DIAPH2: variants seen among roughly 807,000 people sequenced by gnomAD.
DIAPH2 encodes diaphanous related formin 2.
Under a neutral mutation model 92.7 loss-of-function variants are expected in DIAPH2, and 35 were observed. That is an observed-to-expected ratio of 0.38 (90% CI 0.29 to 0.50). The LOEUF is 0.50. Among genes scored for constraint, DIAPH2 ranks in the 20% least tolerant of loss-of-function variants. The pLI is 0.94. For synonymous variants in DIAPH2, 301 were observed against 280.4 expected, an observed-to-expected ratio of 1.07 and a Z score of -0.73; for missense variants, 701 against 819.5, an observed-to-expected ratio of 0.86 and a Z score of 1.77.
At chrX:96,998,876 T>C (rs1204467866) in intron 17 of DIAPH2, among the ~76,000 whole-genome samples, 2 of 112,322 alleles carry the variant, frequency 1.8e-5, no homozygotes, top group Non-Finnish European at 3.8e-5. Context: ...ATGTACCCTT[T>C]AGGATTATTG....
chrX:97,246,130 C>T (rs1206589824), intron 22 of DIAPH2, among the ~76,000 whole-genome samples: 2 of 105,615 alleles, frequency 1.9e-5, no homozygotes, highest in African/African-American at 6.9e-5. Flanking sequence ...GCCAGGCTGG[C>T]CTCAAACTCA....
chrX:97,236,203 A>C (rs12832757), intron 22 of DIAPH2, among the ~76,000 whole-genome samples: 52,063 of 110,178 alleles, frequency 0.47, 9,515 homozygotes, highest in Non-Finnish European at 0.59. Context: ...TGTGGACTTC[A>C]TGCATTAAAC....
intron 21 of DIAPH2, among the ~76,000 whole-genome samples, chrX:97,116,250 A>G (rs746656439): frequency 8.9e-6 from 1 of 112,207 alleles, no homozygotes; most frequent in East Asian, 2.8e-4. Context: ...ACTTATAGAT[A>G]ATAATAGGAT....
chrX:96,916,338 G>C, intron 7 of DIAPH2, 100 bp from the exon 8 acceptor site: 2 of 739,814 alleles, frequency 2.7e-6, no homozygotes, highest in Middle Eastern at 4.6e-4. Flanking sequence ...ACCTCATTGT[G>C]GGGGTATGGG....
chrX:97,127,693 T>C (rs1242655432), intron 21 of DIAPH2, among the ~76,000 whole-genome samples: 1 of 112,711 alleles, frequency 8.9e-6, no homozygotes, highest in Non-Finnish European at 1.9e-5. Context: ...CTGAGGTTTT[T>C]AACTGACATA....
intron 25 of DIAPH2, among the ~76,000 whole-genome samples, chrX:97,410,872 A>G (rs1332820588): frequency 1.8e-5 from 2 of 111,952 alleles, no homozygotes; most frequent in Non-Finnish European, 3.8e-5. Context: ...GTAAAAAGAA[A>G]TGAACAAAGC....
intron 26 of DIAPH2, among the ~76,000 whole-genome samples, chrX:97,547,046 A>G (rs1346498590): frequency 1.8e-5 from 2 of 111,995 alleles, no homozygotes; most frequent in East Asian, 2.8e-4. Flanking sequence ...AATTATTCTT[A>G]TTCATAACTC....
At chrX:97,293,127 A>G (rs1297244258) in intron 23 of DIAPH2, among the ~76,000 whole-genome samples, 1 of 110,963 alleles carries the variant, frequency 9.0e-6, no homozygotes, top group African/African-American at 3.3e-5. Flanking sequence ...GAGATTTTCT[A>G]ATGTCACTAT....
intron 23 of DIAPH2, among the ~76,000 whole-genome samples, chrX:97,308,989 G>A (rs968155135): frequency 7.4e-5 from 8 of 107,621 alleles, no homozygotes; most frequent in Admixed American, 4.0e-4. Flanking sequence ...TTGCACTCCA[G>A]CCTGGGGAAC....
At chrX:96,827,884 C>A (rs766930183) in intron 4 of DIAPH2, among the ~76,000 whole-genome samples, 73 of 111,095 alleles carry the variant, frequency 6.6e-4, no homozygotes, top group African/African-American at 2.3e-3. Flanking sequence ...TGCAGTGGCG[C>A]CATCTCGGCT....
At chrX:96,703,433 A>T (rs1338649917) in intron 1 of DIAPH2, among the ~76,000 whole-genome samples, 1 of 112,099 alleles carries the variant, frequency 8.9e-6, no homozygotes, top group African/African-American at 3.2e-5. Flanking sequence ...TTAAACATGT[A>T]CTGTAAATAG....
chrX:96,914,407 A>C (rs1014485810), intron 7 of DIAPH2, among the ~76,000 whole-genome samples: 2 of 111,577 alleles, frequency 1.8e-5, no homozygotes, highest in Admixed American at 1.9e-4. Flanking sequence ...AAACAATGAC[A>C]TAATGGAAAG....
intron 5 of DIAPH2, among the ~76,000 whole-genome samples, chrX:96,907,966 G>T (rs1227538103): frequency 9.0e-6 from 1 of 111,678 alleles, no homozygotes; most frequent in Non-Finnish European, 1.9e-5. Flanking sequence ...GCAACGAAAT[G>T]GTTGAATATC....
At chrX:97,550,646 A>C (rs2071213072) in intron 26 of DIAPH2, among the ~76,000 whole-genome samples, 1 of 112,085 alleles carries the variant, frequency 8.9e-6, no homozygotes, top group Admixed American at 9.5e-5. Flanking sequence ...TCTTCTGAGG[A>C]GTTAACAAGG....
At chrX:97,335,470 T>G (rs2069049951) in intron 23 of DIAPH2, among the ~76,000 whole-genome samples, 1 of 111,914 alleles carries the variant, frequency 8.9e-6, no homozygotes, top group African/African-American at 3.2e-5. Flanking sequence ...TGTGTATGCC[T>G]ACCATGAATA....
intron 4 of DIAPH2, among the ~76,000 whole-genome samples, chrX:96,781,779 AATATT>A (rs1351515934): frequency 9.0e-6 from 1 of 110,952 alleles, no homozygotes; most frequent in Non-Finnish European, 1.9e-5. Flanking sequence ...TGGAACAACT[AATATT>A]AAATTAATTC....
At chrX:97,013,328 A>G (rs1226050243) in intron 17 of DIAPH2, among the ~76,000 whole-genome samples, 2 of 111,503 alleles carry the variant, frequency 1.8e-5, no homozygotes, top group African/African-American at 3.3e-5. Flanking sequence ...TTTCTCTCCA[A>G]CTGAAAACTG....
At chrX:97,438,299 A>G (rs1374762073) in intron 26 of DIAPH2, among the ~76,000 whole-genome samples, 1 of 94,245 alleles carries the variant, frequency 1.1e-5, no homozygotes, top group Non-Finnish European at 2.1e-5. Context: ...TTTCCCATGT[A>G]CTTTCAATGT....
At chrX:97,110,414 A>G (rs951574913) in intron 20 of DIAPH2, among the ~76,000 whole-genome samples, 1 of 111,693 alleles carries the variant, frequency 9.0e-6, no homozygotes, top group Non-Finnish European at 1.9e-5. Context: ...TTATTTCCCT[A>G]TCATGGAGGT....
Sources: allele counts gnomAD v4.1 joint callset (sites outside exome capture counted in the v4.1 genomes callset), GRCh38; gene constraint gnomAD v4.1.1; transcripts MANE v1.5; gene names NCBI Gene and HGNC (gene_info 2026-07-23, HGNC 2026-07-21).